Variants in AHNAK2 observed in about 807,000 individuals in gnomAD.
AHNAK2 encodes protein AHNAK2.
Under a neutral mutation model 30.7 loss-of-function variants are expected in AHNAK2, and 18 were observed. The observed-to-expected ratio is 0.59, with a 90% CI of 0.41 to 0.87. The LOEUF is 0.87. AHNAK2 is among the 40% of genes least tolerant of loss of function. The probability of loss-of-function intolerance (pLI) is 0.00; values close to 1 mark genes in which losing one functional copy is unlikely to be tolerated. For missense variants in AHNAK2, 8,604 were observed against 7,373.0 expected (o/e 1.17, Z -6.11); for synonymous variants, 3,590 against 3,073.8 (o/e 1.17, Z -5.56).
Position 104,955,173 on chromosome 14 carries a change from G to A in AHNAK2, c.467-32C>T, listed in dbSNP as rs756296340. On this transcript the variant is annotated intron_variant, in intron 5 of 6. Transcript: ENST00000333244. ...CAAGAAAGAGCAGCCCCAGGGCCGG[G>A]TGTGTGAATGAGACGGGGTCTGCTG... The A allele has an allele frequency of 2.8e-5, 44 of 1,578,252 alleles. 1 individual carries two copies. The South Asian group carries it at 5.0e-4, about 18-fold the overall frequency.
chr14:104,976,109 G>A (rs1026516583), intron 1 of AHNAK2, among the ~76,000 whole-genome samples: 2 of 152,174 alleles, frequency 1.3e-5, no homozygotes, highest in Non-Finnish European at 2.9e-5. Context: ...GGTGGGGGCC[G>A]GGGCCGGGGA....
chr14:104,952,925 T>A lies in AHNAK2; in HGVS notation c.2526A>T (p.Ser842=), dbSNP rs774446812. The change falls in exon 7 of 7, where the codon TCA becomes TCT. Residue 842 remains serine (S), a synonymous_variant. Transcript: ENST00000333244. ...KFKMPKFKMP[S]FGVSAPGKSM... The stretch of plus-strand genomic sequence containing the variant: ...ACTTGCCTGGGGCCGACACCCCGAA[T>A]GATGGCATCTTGAACTTGGGCATTT... The A allele has an allele frequency of 1.2e-6, 2 of 1,601,834 alleles. No homozygotes were observed. The highest frequency in any genetic ancestry group is 2.2e-5 in the South Asian group (2 of 90,428).
At chr14:104,978,102 C>T (rs1257600905) in intron 1 of AHNAK2, 81 bp downstream of exon 1, 1 of 1,129,698 alleles carries the variant, frequency 8.9e-7, no homozygotes, top group East Asian at 3.5e-5. Flanking sequence ...CACTGCGCGC[C>T]CCTGGACACG....
chr14:104,943,750 G>C lies in AHNAK2; in HGVS notation c.11701C>G (p.Leu3901Val), dbSNP rs753411559. Residue 3901 changes from leucine to valine, a missense_variant, in exon 7 of 7, where the codon CTC (leucine) becomes GTC (valine). Transcript: ENST00000333244. ...MPSFKMPKVD[L>V]KGPEIDIKGP... ...TTGATGTCTATTTCAGGGCCCTTGA[G>C]GTCGACTTTGGGCATCTTGAAACTG... 2.5e-6 allele frequency: 4 copies of C among 1,612,658 alleles called. No homozygotes were observed. Among genetic ancestry groups the C allele is most frequent in the Non-Finnish European group, 1.7e-6 (2 of 1,179,454 alleles).
At position 104,946,941 on chromosome 14, in the gene AHNAK2, T is replaced by C. The variant is rs769205119; in HGVS notation, c.8510A>G (p.Asp2837Gly). 4.3e-6 allele frequency: 7 copies of C among 1,612,364 alleles called. No homozygotes were observed. Among genetic ancestry groups the C allele is most frequent in the Non-Finnish European group, 5.1e-6 (6 of 1,179,614 alleles). The change falls in exon 7 of 7, where the codon GAT becomes GGT. Residue 2837 changes from aspartate to glycine, a missense_variant. Physicochemically the swap from Asp to Gly is moderately conservative, Grantham distance 94. Transcript: ENST00000333244. ...APGKSIEASV[D>G]VSELKVEADG... ...AGCTTCCACCTTCAGCTCAGACACATCCACCGAGGCCTCGATGGACTTGCC... is the reference window on the plus strand; with the variant it reads ...AGCTTCCACCTTCAGCTCAGACACACCCACCGAGGCCTCGATGGACTTGCC...
chr14:104,961,512 T>TAA lies in AHNAK2; in HGVS notation c.56-3842_56-3841dup, dbSNP rs59059216. Among the ~76,000 whole-genome samples, 733 of 139,948 alleles carry TAA rather than the reference T, an allele frequency of 5.2e-3. 6 individuals carry two copies. The highest frequency in any genetic ancestry group is 0.018 in the African/African-American group (687 of 38,418). The allele number at this position is 139,948 out of a possible 152,430, so 91.8% of individuals were successfully genotyped here. A position where few individuals can be genotyped will look rare whatever the true frequency, so the allele number is the denominator to read the frequency against. ...CCTGGGTGACAGCGAGACCCCATCT[T>TAA]AAAAAAAAAAAAAAAGTTGCTGTTG... On this transcript the variant is annotated intron_variant, in intron 1 of 6. Coordinates refer to ENST00000333244, the MANE Select transcript of AHNAK2 (RefSeq NM_138420.4).
Position 104,944,479 on chromosome 14 carries a change from C to T in AHNAK2, c.10972G>A (p.Glu3658Lys), listed in dbSNP as rs568071513. The change falls in exon 7 of 7, where the codon GAG becomes AAG. Residue 3658 changes from glutamate (E) to lysine (K), a missense_variant. By Grantham distance (56) the Glu-to-Lys change is moderately conservative. Transcript: ENST00000333244. Reference sequence around the variant, plus strand: ...GGTGCAGACACATCCACCGAGGCCTCCATGGACTTCCCTGGGGCCGATACC... The same window carrying T: ...GGTGCAGACACATCCACCGAGGCCTTCATGGACTTCCCTGGGGCCGATACC... ...FRVSAPGKSM[E>K]ASVDVSAPKV... is the part of the protein sequence containing the mutation. 21 of 1,613,274 alleles carry T rather than the reference C, an allele frequency of 1.3e-5. No homozygotes were observed. In the East Asian group the frequency reaches 4.0e-4, roughly 31 times the overall value.
intron 1 of AHNAK2, among the ~76,000 whole-genome samples, chr14:104,974,181 GCTGGGGATCCCGT>G (rs1899543415): frequency 6.6e-6 from 1 of 152,264 alleles, no homozygotes; most frequent in Non-Finnish European, 1.5e-5. Flanking sequence ...TCGCAGCGTG[GCTGGGGATCCCGT>G]CACCCTTAGA....
chr14:104,951,304 T>C lies in AHNAK2; in HGVS notation c.4147A>G (p.Thr1383Ala), dbSNP rs202122810. Residue 1383 changes from threonine (T) to alanine (A), a missense_variant, in exon 7 of 7, where the codon ACT becomes GCT. By Grantham distance (58) the Thr-to-Ala change is moderately conservative (BLOSUM62 0). Coordinates refer to ENST00000333244, the MANE Select transcript of AHNAK2 (RefSeq NM_138420.4). Reference sequence around the variant, plus strand: ...TGGCCAGCCTGGAGCTCCAGGTCAGTGGAAGGGGGCTGAATGCTGAGGTCA... The same window carrying C: ...TGGCCAGCCTGGAGCTCCAGGTCAGCGGAAGGGGGCTGAATGCTGAGGTCA... ...TTDLSIQPPSTDLELQAGQLD... is the reference protein window; with the variant it reads ...TTDLSIQPPSADLELQAGQLD... 6.0e-4 allele frequency: 629 copies of C among 1,046,564 alleles called. 188 individuals are homozygous for C. Among genetic ancestry groups the C allele is most frequent in the African/African-American group, 2.0e-3 (132 of 65,710 alleles). The allele number at this position is 1,046,564 out of a possible 1,614,324, so 64.8% of individuals were successfully genotyped here. A position where few individuals can be genotyped will look rare whatever the true frequency, so the allele number is the denominator to read the frequency against.
chr14:104,961,290 G>A (rs951998655), intron 1 of AHNAK2, among the ~76,000 whole-genome samples: 12 of 152,190 alleles, frequency 7.9e-5, no homozygotes, highest in South Asian at 2.1e-4. Context: ...CGAGGCGGGC[G>A]GATCACGAGG....
intron 3 of AHNAK2, among the ~76,000 whole-genome samples, chr14:104,956,952 A>G (rs969670360): frequency 3.3e-5 from 5 of 152,200 alleles, no homozygotes; most frequent in African/African-American, 1.2e-4. Flanking sequence ...GGGAAGCCCC[A>G]CAGCAACTGG....
In AHNAK2 at chr14:104,956,597, A is replaced by G. The variant is rs1898980982; in HGVS notation, c.306T>C (p.Ser102=). 6.2e-7 allele frequency: 1 copy of G among 1,613,690 alleles called. No homozygotes were observed. The highest frequency in any genetic ancestry group is 8.5e-7 in the Non-Finnish European group (1 of 1,179,830). ...CTCCTGCTGTACCCACCTCTGGACGACTCATCCTGAAAAATGTCCGTGAGT... is the reference window on the plus strand; with the variant it reads ...CTCCTGCTGTACCCACCTCTGGACGGCTCATCCTGAAAAATGTCCGTGAGT... ...SGDSRTFFRM[S]RPEAVQEATE... is the part of the protein sequence containing the mutation. The change falls in exon 4 of 7, where the codon AGT becomes AGC. Residue 102 remains serine, a synonymous_variant. Coordinates refer to ENST00000333244, the MANE Select transcript of AHNAK2 (RefSeq NM_138420.4).
intron 1 of AHNAK2, 36 bp downstream of exon 1, chr14:104,978,147 C>T: frequency 8.3e-7 from 1 of 1,207,470 alleles, no homozygotes. Context: ...GCCCACCCGC[C>T]CCAGGGGAGC....
rs1463871295 is a variant in AHNAK2, at chr14:104,942,621, C to A, written c.12830G>T (p.Ser4277Ile). Reference sequence around the variant, plus strand: ...GGACAGGTCACCCTCCAGCCGCACACTGTCCAGCTTGGCTCCCGGGGCCTC... The same window carrying A: ...GGACAGGTCACCCTCCAGCCGCACAATGTCCAGCTTGGCTCCCGGGGCCTC... ...DVEAPGAKLD[S>I]VRLEGDLSLA... Residue 4277 changes from serine (S) to isoleucine (I), a missense_variant, in exon 7 of 7, where the codon AGT becomes ATT. Physicochemically the swap from Ser to Ile is moderately radical, Grantham distance 142 (BLOSUM62 -2). Transcript: ENST00000333244. 4.3e-6 allele frequency: 7 copies of A among 1,613,316 alleles called. No individual in the cohort carries two copies. In the East Asian group the frequency reaches 8.9e-5, roughly 21 times the overall value.
chr14:104,967,040 C>G (rs1005566511), intron 1 of AHNAK2, among the ~76,000 whole-genome samples: 1 of 152,190 alleles, frequency 6.6e-6, no homozygotes, highest in African/African-American at 2.4e-5. Context: ...CCCTGGGTCA[C>G]TTGGCCCACA....
chr14:104,945,473 G>C lies in AHNAK2; in HGVS notation c.9978C>G (p.Ser3326=). ...CAGACACATCCACCGAGGCCTGGATGGACTTGCCTGGGGCAGACGCCCTGT... is the reference window on the plus strand; with the variant it reads ...CAGACACATCCACCGAGGCCTGGATCGACTTGCCTGGGGCAGACGCCCTGT... ...PSYRASAPGK[S]IQASVDVSAP... is the part of the protein sequence containing the mutation. The change falls in exon 7 of 7, where the codon TCC becomes TCG. Residue 3326 remains serine, a synonymous_variant. Transcript: ENST00000333244. 4 of 1,613,414 alleles carry C rather than the reference G, an allele frequency of 2.5e-6. No homozygotes were observed. The highest frequency in any genetic ancestry group is 3.4e-6 in the Non-Finnish European group (4 of 1,179,730).
Position 104,948,105 on chromosome 14 carries a change from A to C in AHNAK2, c.7346T>G (p.Val2449Gly), listed in dbSNP as rs1371203830. Residue 2449 changes from valine to glycine, a missense_variant, in exon 7 of 7, where the codon GTG becomes GGG. Physicochemically the swap from Val to Gly is moderately radical, Grantham distance 109 (BLOSUM62 -3). Transcript: ENST00000333244. ...APDVEVSQPSVEVDVEAPGAK... is the reference protein window; with the variant it reads ...APDVEVSQPSGEVDVEAPGAK... ...TCCCGGGGCCTCGACATCCACCTCC[A>C]CGCTGGGCTGAGACACCTCCACGTC... is the stretch of plus-strand genomic sequence containing the variant. The C allele has an allele frequency of 6.2e-7, 1 of 1,612,168 alleles. No individual in the cohort carries two copies. Among genetic ancestry groups the C allele is most frequent in the East Asian group, 2.2e-5 (1 of 44,752 alleles).
Position 104,958,096 on chromosome 14 carries a change from A to G in AHNAK2, c.56-424T>C, listed in dbSNP as rs185139567. ...TACTGAGAAACAAAGCAGTGAATGGAAAGTGTCTCTAAATGTCTACTAATG... is the reference window on the plus strand; with the variant it reads ...TACTGAGAAACAAAGCAGTGAATGGGAAGTGTCTCTAAATGTCTACTAATG... On this transcript the variant is annotated intron_variant, in intron 1 of 6. Transcript: ENST00000333244. Among the ~76,000 whole-genome samples, 403 of 152,346 alleles carry G rather than the reference A, an allele frequency of 2.6e-3. 1 individual carries two copies. Among genetic ancestry groups the G allele is most frequent in the African/African-American group, 9.3e-3 (388 of 41,578 alleles).
Position 104,939,399 on chromosome 14 carries a change from G to T in AHNAK2, c.16052C>A (p.Pro5351His). The change falls in exon 7 of 7, where the codon CCT becomes CAT. Residue 5351 changes from proline to histidine, a missense_variant. Coordinates refer to ENST00000333244, the MANE Select transcript of AHNAK2 (RefSeq NM_138420.4). ...EDKTEKWSSQ[P>H]EGPLKLKASS... ...AGCTTTCAATTTAAGTGGACCTTCA[G>T]GCTGGGAAGACCATTTCTCTGTTTT... is the stretch of plus-strand genomic sequence containing the variant. 6.2e-7 allele frequency: 1 copy of T among 1,613,630 alleles called. No homozygotes were observed. The highest frequency in any genetic ancestry group is 8.5e-7 in the Non-Finnish European group (1 of 1,179,876).
Sources: gnomAD v4.1 joint callset for allele counts (sites outside exome capture counted in the v4.1 genomes callset) on GRCh38, gnomAD v4.1.1 for gene constraint, MANE v1.5 for transcripts, NCBI Gene and HGNC (gene_info 2026-07-23, HGNC 2026-07-21) for gene names.